PCDHGA12: variants seen among roughly 807,000 people sequenced by gnomAD.
PCDHGA12 encodes the protein protocadherin gamma-A12.
PCDHGA12 carries 43 observed loss-of-function variants against 61.1 expected under a neutral mutation model. The observed-to-expected ratio is 0.70, with a 90% CI of 0.55 to 0.91. The LOEUF (loss-of-function observed/expected upper bound fraction) is 0.91. Among genes scored for constraint, PCDHGA12 ranks in the 40% least tolerant of loss-of-function variants. PCDHGA12 has a pLI of 0.00. For synonymous variants in PCDHGA12, 520 were observed against 542.9 expected, an observed-to-expected ratio of 0.96 and a Z score of 0.59; for missense variants, 1,236 against 1,227.7, an observed-to-expected ratio of 1.01 and a Z score of -0.10.
intron 1 of PCDHGA12, among the ~76,000 whole-genome samples, chr5:141,467,211 C>G (rs1288732759): frequency 6.6e-6 from 1 of 152,068 alleles, no homozygotes; most frequent in Non-Finnish European, 1.5e-5. Context: ...TGCCACCATG[C>G]CTGGCTAATT....
At position 141,490,852 on chromosome 5, in the gene PCDHGA12, G is replaced by A. The variant is rs759198428; in HGVS notation, c.2425-3955G>A. 2 of 1,613,896 alleles carry A rather than the reference G, an allele frequency of 1.2e-6. No individual in the cohort carries two copies. Among genetic ancestry groups the A allele is most frequent in the Non-Finnish European group, 1.7e-6 (2 of 1,179,928 alleles). ...GCTGCAGATTGTGGTGGGGGTTCGA[G>A]ACTCCGGCTCTCCCCCATTGCATGC... On this transcript the variant is annotated intron_variant, in intron 1 of 3. Transcript: ENST00000252085. The surrounding 1 kb of genome is among the most constrained non-coding windows in gnomAD (Gnocchi z 5.4).
Position 141,491,733 on chromosome 5 carries a change from TG to T in PCDHGA12, c.2425-3069del. 6.2e-7 allele frequency: 1 copy of T among 1,602,698 alleles called. No individual in the cohort carries two copies. Among genetic ancestry groups the T allele is most frequent in the Non-Finnish European group, 8.5e-7 (1 of 1,175,258 alleles). On this transcript the variant is annotated intron_variant, in intron 1 of 3. Coordinates refer to ENST00000252085, the MANE Select transcript of PCDHGA12 (RefSeq NM_003735.3). This position sits in a 1 kb window ranked among gnomAD's most constrained non-coding sequence, Gnocchi z 6.9. ...GCTCGGCGCCGCCCCGGGCGACCCC[TG>T]GGGGCGGCACTGGAGAAGCCGCCCG...
At chr5:141,454,181 G>A (rs1290295830) in intron 1 of PCDHGA12, among the ~76,000 whole-genome samples, 1 of 152,200 alleles carries the variant, frequency 6.6e-6, no homozygotes, top group Non-Finnish European at 1.5e-5. Context: ...GCAGCTAAAG[G>A]AGCTTAGTGA....
chr5:141,461,027 C>G (rs993151622), intron 1 of PCDHGA12, among the ~76,000 whole-genome samples: 2 of 150,168 alleles, frequency 1.3e-5, no homozygotes, highest in Non-Finnish European at 3.0e-5. Flanking sequence ...TTTTCTTTAT[C>G]CACTCATTAG....
Position 141,511,703 on chromosome 5 carries a change from T to G in PCDHGA12, c.*530T>G, listed in dbSNP as rs148447880. On this transcript the variant is annotated 3_prime_UTR_variant, in exon 4 of 4. Coordinates refer to ENST00000252085, the MANE Select transcript of PCDHGA12 (RefSeq NM_003735.3). ...AAAGCATGGTTTGGTGCCAGCCCCT[T>G]CACCTCCTTCCAGAGCCCAAGATCA... The G allele has an allele frequency of 1.1e-4, 21 of 189,942 alleles. No homozygotes were observed. In the East Asian group the frequency reaches 2.4e-3, roughly 22 times the overall value. 11.8% of individuals were successfully genotyped at this position (189,942 alleles called of 1,614,324 possible).
At chr5:141,508,124 G>C (rs1248096612) in intron 3 of PCDHGA12, 1 of 152,640 alleles carries the variant, frequency 6.6e-6, no homozygotes, top group Non-Finnish European at 1.5e-5. Flanking sequence ...AGGACAGAGG[G>C]AGGTCAGGGA....
chr5:141,465,125 G>A (rs1003967387), intron 1 of PCDHGA12, among the ~76,000 whole-genome samples: 1 of 151,194 alleles, frequency 6.6e-6, no homozygotes, highest in Non-Finnish European at 1.5e-5. Context: ...GCCTAAATTT[G>A]TAAAAAGTTT....
chr5:141,480,065 A>G (rs2099511928), intron 1 of PCDHGA12, among the ~76,000 whole-genome samples: 1 of 152,220 alleles, frequency 6.6e-6, no homozygotes, highest in Non-Finnish European at 1.5e-5. Flanking sequence ...TAAGTGTTTT[A>G]TAAGATTCAT....
intron 1 of PCDHGA12, chr5:141,441,111 G>A (rs1457975305): frequency 1.3e-5 from 2 of 152,194 alleles, no homozygotes; most frequent in Non-Finnish European, 1.5e-5. Flanking sequence ...TCATTGTCCA[G>A]TGTACAGTTG....
Position 141,485,166 on chromosome 5 carries a change from C to T in PCDHGA12, c.2425-9641C>T, listed in dbSNP as rs1180453938. 2 of 1,606,374 alleles carry T rather than the reference C, an allele frequency of 1.2e-6. No individual in the cohort carries two copies. Among genetic ancestry groups the T allele is most frequent in the Non-Finnish European group, 8.5e-7 (1 of 1,174,214 alleles). ...CAGGAGCAAGTAGAGAATTAGCGGG[C>T]GGCAGCAATGCTCCGCAAGGTGAGA... On this transcript the variant is annotated intron_variant, in intron 1 of 3. Transcript: ENST00000252085. The surrounding 1 kb of genome is among the most constrained non-coding windows in gnomAD (Gnocchi z 5.7).
intron 1 of PCDHGA12, among the ~76,000 whole-genome samples, chr5:141,472,243 T>A (rs1276064128): frequency 6.6e-6 from 1 of 152,190 alleles, no homozygotes; most frequent in East Asian, 1.9e-4. Context: ...TCACTTTCTA[T>A]TTTAAAGTTA....
At chr5:141,454,997 A>G (rs2098809547) in intron 1 of PCDHGA12, among the ~76,000 whole-genome samples, 2 of 151,192 alleles carry the variant, frequency 1.3e-5, no homozygotes, top group Admixed American at 6.6e-5. Flanking sequence ...TATTTTTAGT[A>G]GAGACGGGGT....
At chr5:141,508,961 A>C (rs991011427) in intron 3 of PCDHGA12, among the ~76,000 whole-genome samples, 2 of 151,978 alleles carry the variant, frequency 1.3e-5, no homozygotes, top group African/African-American at 4.8e-5. Context: ...TGTCAGCGGA[A>C]TGAAAGGGCT....
chr5:141,500,271 C>T (rs936454651), intron 2 of PCDHGA12, among the ~76,000 whole-genome samples: 3 of 151,598 alleles, frequency 2.0e-5, no homozygotes, highest in African/African-American at 7.3e-5. Flanking sequence ...TGCAGTGGCG[C>T]AATCTCGGCT....
chr5:141,500,186 T>A (rs1008615587), intron 2 of PCDHGA12, among the ~76,000 whole-genome samples: 7 of 99,362 alleles, frequency 7.0e-5, no homozygotes, highest in African/African-American at 3.5e-4. Flanking sequence ...ATTTTTATTT[T>A]TATTTATTTA....
Position 141,487,931 on chromosome 5 carries a change from G to A in PCDHGA12, c.2425-6876G>A. The stretch of plus-strand genomic sequence containing the variant: ...AGCACAGGAGGCTACAGTGCACAGG[G>A]TACAGTGCACCAGGCAGTCACTTGG... On this transcript the variant is annotated intron_variant, in intron 1 of 3. Transcript: ENST00000252085. The surrounding 1 kb of genome is among the most constrained non-coding windows in gnomAD (Gnocchi z 5.0). The A allele has an allele frequency of 1.6e-6, 1 of 612,954 alleles. No homozygotes were observed. The highest frequency in any genetic ancestry group is 2.8e-6 in the Non-Finnish European group (1 of 351,318). 38.0% of individuals were successfully genotyped at this position (612,954 alleles called of 1,614,324 possible). A position where few individuals can be genotyped will look rare whatever the true frequency, so the allele number is the denominator to read the frequency against.
intron 1 of PCDHGA12, among the ~76,000 whole-genome samples, chr5:141,460,912 G>GTGTATATATA (rs145509489): frequency 6.7e-6 from 1 of 149,236 alleles, no homozygotes; most frequent in Non-Finnish European, 1.5e-5. Flanking sequence ...ATTCCATGGT[G>GTGTATATATA]TATATATATA....
At chr5:141,467,018 CTTTGT>C (rs1209768587) in intron 1 of PCDHGA12, among the ~76,000 whole-genome samples, 4 of 149,992 alleles carry the variant, frequency 2.7e-5, no homozygotes, top group African/African-American at 7.3e-5. Context: ...ATTTTTTTCC[CTTTGT>C]TTTTGTTTTT....
chr5:141,437,628 T>C (rs2097897572), intron 1 of PCDHGA12, among the ~76,000 whole-genome samples: 1 of 152,212 alleles, frequency 6.6e-6, no homozygotes, highest in African/African-American at 2.4e-5. Context: ...CCATATAAGA[T>C]GTCAGGTTCA....
Sources: allele counts gnomAD v4.1 joint callset (sites outside exome capture counted in the v4.1 genomes callset), GRCh38; gene constraint gnomAD v4.1.1; non-coding constraint Gnocchi (gnomAD v3.1); transcripts MANE v1.5; gene names NCBI Gene and HGNC (gene_info 2026-07-23, HGNC 2026-07-21).